KLRK1: variants seen among roughly 807,000 people sequenced by gnomAD.
KLRK1 encodes the protein killer cell lectin like receptor K1, also known as NKG2-D type II integral membrane protein.
KLRK1 carries 40 observed loss-of-function variants against 31.3 expected under a neutral mutation model. That is an observed-to-expected ratio of 1.28 (90% CI 0.99 to 1.67). The LOEUF (loss-of-function observed/expected upper bound fraction) is 1.67. Among genes scored for constraint, KLRK1 ranks in the 40% most tolerant of loss-of-function variants. The probability of loss-of-function intolerance (pLI) is 0.00; values close to 1 mark genes in which losing one functional copy is unlikely to be tolerated. For synonymous variants in KLRK1, 77 were observed against 77.3 expected (o/e 1.00, Z 0.02); for missense variants, 251 against 260.0 (o/e 0.97, Z 0.24).
chr12:10,387,580 T>C (rs1863191569), intron 2 of KLRK1, among the ~76,000 whole-genome samples: 1 of 151,834 alleles, frequency 6.6e-6, no homozygotes. Context: ...CTTTTCTTTT[T>C]TTTTTTTTGA....
At position 10,373,188 on chromosome 12, in the gene KLRK1, C is replaced by CAT. The variant is rs766731968; in HGVS notation, c.575_576dup (p.Ala193MetfsTer9). The CAT allele has an allele frequency of 6.2e-7, 1 of 1,611,422 alleles. No homozygotes were observed. The highest frequency in any genetic ancestry group is 1.1e-5 in the South Asian group (1 of 90,444). ...TCTATATAGCCTTTAAAGCTCGAGGCATAGAGTGCACAGTCTCCCTTCTGC... is the reference window on the plus strand; with the variant it reads ...TCTATATAGCCTTTAAAGCTCGAGGCATATAGAGTGCACAGTCTCCCTTCTGC... On this transcript the variant is annotated frameshift_variant, in exon 8 of 8. Transcript: ENST00000240618. LOFTEE classifies it high-confidence loss of function.
Position 10,373,035 on chromosome 12 carries a change from C to T in KLRK1, c.*79G>A. 6 of 1,293,784 alleles carry T rather than the reference C, an allele frequency of 4.6e-6. No individual in the cohort carries two copies. The highest frequency in any genetic ancestry group is 2.6e-5 in the South Asian group (2 of 77,674). The allele number at this position is 1,293,784 out of a possible 1,614,324, so 80.1% of individuals were successfully genotyped here. On this transcript the variant is annotated 3_prime_UTR_variant, in exon 8 of 8. Transcript: ENST00000240618. ...ATTTTGTCCTGTTTTTGTTTGTTTC[C>T]TTTAGTCTCAGTTGGCAGTGTTACC...
chr12:10,387,718 G>C (rs1391734460), intron 2 of KLRK1, among the ~76,000 whole-genome samples: 1 of 151,748 alleles, frequency 6.6e-6, no homozygotes. Context: ...GCTAATTTTT[G>C]TATTTTTAGT....
At chr12:10,387,744 C>G (rs1009033411) in intron 2 of KLRK1, among the ~76,000 whole-genome samples, 1 of 151,980 alleles carries the variant, frequency 6.6e-6, no homozygotes, top group African/African-American at 2.4e-5. Flanking sequence ...CGGGGTTTCA[C>G]CATATTGGCC....
intron 3 of KLRK1, 103 bp downstream of exon 3, chr12:10,386,800 C>CA: frequency 1.5e-6 from 1 of 667,556 alleles, no homozygotes; most frequent in Non-Finnish European, 2.3e-6. Context: ...CTGCTTTCCT[C>CA]ATGAAGATAA....
chr12:10,380,996 G>T (rs1863064438), intron 3 of KLRK1, among the ~76,000 whole-genome samples: 1 of 152,066 alleles, frequency 6.6e-6, no homozygotes, highest in Non-Finnish European at 1.5e-5. Context: ...TCCACCTAGA[G>T]GACTGTAGCA....
intron 2 of KLRK1, among the ~76,000 whole-genome samples, chr12:10,388,436 C>A (rs1438697097): frequency 3.3e-5 from 5 of 152,222 alleles, no homozygotes; most frequent in African/African-American, 1.2e-4. Flanking sequence ...AACTAAACTA[C>A]ACAGAGGTTG....
chr12:10,385,395 C>CACACACACAG (rs773514923), intron 3 of KLRK1, among the ~76,000 whole-genome samples: 4 of 149,662 alleles, frequency 2.7e-5, no homozygotes, highest in Non-Finnish European at 3.0e-5. Flanking sequence ...CACACACACA[C>CACACACACAG]AGAGGAATAC....
intron 5 of KLRK1, 147 bp from the exon 6 acceptor site, chr12:10,378,852 A>G: frequency 1.0e-6 from 1 of 971,378 alleles, no homozygotes; most frequent in Non-Finnish European, 1.4e-6. Flanking sequence ...ATATCTCTAC[A>G]TATTCATAGA....
chr12:10,385,433 A>G (rs1365226701), intron 3 of KLRK1, among the ~76,000 whole-genome samples: 1 of 151,596 alleles, frequency 6.6e-6, no homozygotes, highest in Non-Finnish European at 1.5e-5. Context: ...AAGAATGAAA[A>G]GAATGAAATC....
intron 2 of KLRK1, among the ~76,000 whole-genome samples, chr12:10,387,527 A>G (rs1341290978): frequency 6.6e-6 from 1 of 151,848 alleles, no homozygotes; most frequent in Non-Finnish European, 1.5e-5. Flanking sequence ...AACATCAATC[A>G]TTTAGTAAGC....
chr12:10,373,049 G>T lies in KLRK1; in HGVS notation c.*65C>A. Reference sequence around the variant, plus strand: ...TTGTTTGTTTCCTTTAGTCTCAGTTGGCAGTGTTACCGCTGGTGTAATCTC... The same window carrying T: ...TTGTTTGTTTCCTTTAGTCTCAGTTTGCAGTGTTACCGCTGGTGTAATCTC... On this transcript the variant is annotated 3_prime_UTR_variant, in exon 8 of 8. Transcript: ENST00000240618. The T allele has an allele frequency of 7.2e-7, 1 of 1,395,126 alleles. No homozygotes were observed. Among genetic ancestry groups the T allele is most frequent in the Non-Finnish European group, 1.0e-6 (1 of 998,472 alleles). 86.4% of individuals were successfully genotyped at this position (1,395,126 alleles called of 1,614,324 possible).
chr12:10,375,237 A>C (rs1862942344), intron 7 of KLRK1, among the ~76,000 whole-genome samples: 1 of 152,230 alleles, frequency 6.6e-6, no homozygotes, highest in Non-Finnish European at 1.5e-5. Flanking sequence ...TTAATCATTA[A>C]AGTAGCAAAG....
At chr12:10,378,098 TAAAAA>T in intron 7 of KLRK1, 29 bp downstream of exon 7, 1 of 1,582,544 alleles carries the variant, frequency 6.3e-7, no homozygotes, top group Non-Finnish European at 8.6e-7. Context: ...GGAAAAAAAT[TAAAAA>T]GAAGAGACTC....
In KLRK1 at chr12:10,378,553, C is replaced by G; in HGVS notation, c.429+1G>C. ...ATGGGAAATTAAAATAAATACTCAA[C>G]CTGGTCCTCTTTGCTGTATACTTTC... On this transcript the variant is annotated splice_donor_variant, in intron 6 of 7. Coordinates refer to ENST00000240618, the MANE Select transcript of KLRK1 (RefSeq NM_007360.4). LOFTEE classifies it high-confidence loss of function. 1 of 1,609,982 alleles carries G rather than the reference C, an allele frequency of 6.2e-7. No individual in the cohort carries two copies. The highest frequency in any genetic ancestry group is 8.5e-7 in the Non-Finnish European group (1 of 1,179,156).
intron 7 of KLRK1, chr12:10,374,180 A>G (rs903518857): frequency 6.6e-6 from 1 of 151,946 alleles, no homozygotes; most frequent in African/African-American, 2.4e-5. Flanking sequence ...CATCCGGCTA[A>G]TTTTTTTATT....
At chr12:10,384,529 GA>G (rs1200489001) in intron 3 of KLRK1, among the ~76,000 whole-genome samples, 1 of 151,906 alleles carries the variant, frequency 6.6e-6, no homozygotes, top group Non-Finnish European at 1.5e-5. Flanking sequence ...AAATGAAGCT[GA>G]AAAAACTGGA....
At chr12:10,383,150 C>A (rs1591584295) in intron 3 of KLRK1, among the ~76,000 whole-genome samples, 1 of 151,810 alleles carries the variant, frequency 6.6e-6, no homozygotes, top group Non-Finnish European at 1.5e-5. Flanking sequence ...TTCTTACATA[C>A]CAATAATAAT....
In KLRK1 at chr12:10,378,115, TTGGGTCAGAGACTTAC is replaced by T. The variant is rs1565491799; in HGVS notation, c.533+1_533+16del. 6 of 1,603,668 alleles carry T rather than the reference TTGGGTCAGAGACTTAC, an allele frequency of 3.7e-6. No individual in the cohort carries two copies. In the East Asian group the frequency reaches 1.3e-4, roughly 36 times the overall value. On this transcript the variant is annotated splice_donor_variant and splice_donor_5th_base_variant and intron_variant, in intron 7 of 7. Coordinates refer to ENST00000240618, the MANE Select transcript of KLRK1 (RefSeq NM_007360.4). LOFTEE classifies it high-confidence loss of function. ...AAAAAAATTAAAAAGAAGAGACTCA[TTGGGTCAGAGACTTAC>T]AGGTTGGGTGAGAGAATGGAGCCAT...
Sources: allele counts gnomAD v4.1 joint callset (sites outside exome capture counted in the v4.1 genomes callset), GRCh38; gene constraint gnomAD v4.1.1; transcripts MANE v1.5; gene names NCBI Gene and HGNC (gene_info 2026-07-23, HGNC 2026-07-21).